The following SOX6 variants were observed in gnomAD, a reference collection of about 807,000 sequenced individuals.
SOX6 encodes SRY-box transcription factor 6.
SOX6 carries 11 observed loss-of-function variants against 97.8 expected under a neutral mutation model. The ratio of observed to expected loss-of-function variants is 0.11; its 90% confidence interval spans 0.07 to 0.19. The LOEUF is 0.19. Among genes scored for constraint, SOX6 ranks in the 10% least tolerant of loss-of-function variants. The pLI, the probability that SOX6 is intolerant of heterozygous loss-of-function variation, is 1.00. For synonymous variants in SOX6, 360 were observed against 371.4 expected, an observed-to-expected ratio of 0.97 and a Z score of 0.35; for missense variants, 810 against 1,039.5, an observed-to-expected ratio of 0.78 and a Z score of 3.04.
At chr11:16,159,511 T>C (rs2134067824) in intron 6 of SOX6, among the ~76,000 whole-genome samples, 1 of 152,210 alleles carries the variant, frequency 6.6e-6, no homozygotes, top group East Asian at 1.9e-4. Context: ...AGAGAAATAT[T>C]AGATGATGTG....
chr11:16,589,730 C>T (rs1040184593), intron 4 of SOX6, among the ~76,000 whole-genome samples: 2 of 151,938 alleles, frequency 1.3e-5, no homozygotes, highest in African/African-American at 4.8e-5. Flanking sequence ...ATATACTTTG[C>T]CCTATTGTAC....
intron 6 of SOX6, among the ~76,000 whole-genome samples, chr11:16,149,418 C>A (rs1173598228): frequency 3.3e-5 from 5 of 152,040 alleles, no homozygotes; most frequent in Admixed American, 3.3e-4. Flanking sequence ...AATCTTGACC[C>A]TTTTCAGTAC....
intron 1 of SOX6, among the ~76,000 whole-genome samples, chr11:16,405,849 C>T (rs373880223): frequency 8.6e-5 from 13 of 151,992 alleles, no homozygotes; most frequent in East Asian, 3.9e-4. Context: ...CCAGCTCAAA[C>T]GTAAATCGAG....
At chr11:16,002,604 C>A (rs1854436759) in intron 13 of SOX6, among the ~76,000 whole-genome samples, 1 of 151,920 alleles carries the variant, frequency 6.6e-6, no homozygotes, top group Non-Finnish European at 1.5e-5. Context: ...GCTGTTGAGC[C>A]CAGGTAAAAA....
At chr11:16,154,425 T>G (rs983997256) in intron 6 of SOX6, among the ~76,000 whole-genome samples, 4 of 152,148 alleles carry the variant, frequency 2.6e-5, no homozygotes, top group African/African-American at 9.7e-5. Flanking sequence ...TGTGCAGTAT[T>G]CTTTTTACCA....
intron 4 of SOX6, among the ~76,000 whole-genome samples, chr11:16,568,274 T>C (rs182850519): frequency 3.0e-4 from 45 of 152,332 alleles, no homozygotes; most frequent in African/African-American, 1.1e-3. Context: ...ACTCGATCTG[T>C]AGTGATGTGC....
chr11:16,622,911 A>G (rs1338848116), intron 3 of SOX6, among the ~76,000 whole-genome samples: 1 of 152,174 alleles, frequency 6.6e-6, no homozygotes, highest in Non-Finnish European at 1.5e-5. Flanking sequence ...CCATATCCAC[A>G]CTAACATCTA....
chr11:16,153,449 TA>T (rs1339264709), intron 6 of SOX6, among the ~76,000 whole-genome samples: 1 of 152,188 alleles, frequency 6.6e-6, no homozygotes, highest in Non-Finnish European at 1.5e-5. Flanking sequence ...TAAGTTTTAC[TA>T]AGCCTATCAA....
rs528710043 is a variant in SOX6, at chr11:16,318,356, G to C, written c.445+90C>G. Reference sequence around the variant, plus strand: ...GCTAGTGACAATTATGCACTTCTCTGACCCTTGAAATCCCACTTTTTTTTT... The same window carrying C: ...GCTAGTGACAATTATGCACTTCTCTCACCCTTGAAATCCCACTTTTTTTTT... On this transcript the variant is annotated intron_variant, in intron 3 of 15. Coordinates refer to ENST00000683767, the MANE Select transcript of SOX6 (RefSeq NM_001367873.1). The C allele has an allele frequency of 6.4e-6, 9 of 1,395,880 alleles. No individual in the cohort carries two copies. In the African/African-American group the frequency reaches 1.3e-4, roughly 20 times the overall value. 86.5% of individuals were successfully genotyped at this position (1,395,880 alleles called of 1,614,324 possible).
chr11:16,652,102 G>C (rs1287130207), intron 3 of SOX6, among the ~76,000 whole-genome samples: 2 of 152,130 alleles, frequency 1.3e-5, no homozygotes, highest in African/African-American at 4.8e-5. Flanking sequence ...ACTGCTGAAA[G>C]AAATTATCAA....
chr11:16,410,249 T>A (rs1237439253), intron 1 of SOX6, among the ~76,000 whole-genome samples: 1 of 152,122 alleles, frequency 6.6e-6, no homozygotes, highest in East Asian at 1.9e-4. Flanking sequence ...TTAAATGAGT[T>A]TTTAAAAATA....
At chr11:16,235,060 GT>G (rs1193208021) in intron 3 of SOX6, among the ~76,000 whole-genome samples, 1 of 151,904 alleles carries the variant, frequency 6.6e-6, no homozygotes, top group Non-Finnish European at 1.5e-5. Flanking sequence ...CAAGCAAAAT[GT>G]ATGTGCTGTG....
At chr11:16,531,463 G>T (rs1345708593) in intron 4 of SOX6, among the ~76,000 whole-genome samples, 1 of 151,692 alleles carries the variant, frequency 6.6e-6, no homozygotes, top group African/African-American at 2.4e-5. Flanking sequence ...ACTGTGTCAT[G>T]TTCTTTTACT....
intron 2 of SOX6, 87 bp downstream of exon 2, chr11:16,340,925 G>A: frequency 6.4e-7 from 1 of 1,568,490 alleles, no homozygotes; most frequent in South Asian, 1.1e-5. Flanking sequence ...TAACTCTAAG[G>A]TCATCTATTT....
At chr11:15,985,452 C>T (rs1326548657) in intron 15 of SOX6, among the ~76,000 whole-genome samples, 1 of 152,136 alleles carries the variant, frequency 6.6e-6, no homozygotes, top group African/African-American at 2.4e-5. Context: ...CTGGATTTGC[C>T]ACCCTGCTGT....
intron 3 of SOX6, among the ~76,000 whole-genome samples, chr11:16,257,335 C>A: frequency 6.6e-6 from 1 of 151,780 alleles, no homozygotes; most frequent in East Asian, 1.9e-4. Context: ...ATAATCAGGA[C>A]TGTGTGGTAC....
At position 16,374,234 on chromosome 11, in the gene SOX6, G is replaced by A. The variant is rs116566892; in HGVS notation, c.-4-32982C>T. Among the ~76,000 whole-genome samples, 1,102 of 152,076 alleles carry A rather than the reference G, an allele frequency of 7.2e-3. 16 individuals carry two copies. The highest frequency in any genetic ancestry group is 0.024 in the African/African-American group (986 of 41,520). On this transcript the variant is annotated intron_variant, in intron 1 of 15. Transcript: ENST00000396356. ...TATAAAACACTAAAACCCCATGGAA[G>A]TATACCCAAAAAATAAGGAAACCTG...
At chr11:16,619,858 G>A (rs2133987937) in intron 3 of SOX6, among the ~76,000 whole-genome samples, 1 of 151,932 alleles carries the variant, frequency 6.6e-6, no homozygotes, top group East Asian at 1.9e-4. Context: ...TTATTTATGT[G>A]GATATTATTA....
chr11:16,506,777 A>T (rs560750961), intron 4 of SOX6, among the ~76,000 whole-genome samples: 100 of 152,238 alleles, frequency 6.6e-4, no homozygotes, highest in Admixed American at 3.3e-3. Flanking sequence ...AAAAGTGTGT[A>T]ACACAGCCAG....
Sources: allele counts gnomAD v4.1 joint callset (sites outside exome capture counted in the v4.1 genomes callset), GRCh38; gene constraint gnomAD v4.1.1; transcripts MANE v1.5; gene names NCBI Gene and HGNC (gene_info 2026-07-23, HGNC 2026-07-21).